Variants in RBM5 observed in about 807,000 individuals in gnomAD.
The protein encoded by RBM5 is RNA binding motif protein 5.
A neutral mutation model predicts 124.6 loss-of-function variants in RBM5; 15 were observed. The ratio of observed to expected loss-of-function variants is 0.12; its 90% CI spans 0.08 to 0.19. The LOEUF (loss-of-function observed/expected upper bound fraction) is 0.19, where lower values mean the gene tolerates loss of function less well. Ranked by LOEUF, RBM5 falls within the 10% of genes least tolerant of loss-of-function variation. The pLI is 1.00. For synonymous variants in RBM5, 337 were observed against 361.2 expected (o/e 0.93, Z 0.76); for missense variants, 580 against 1,026.5 (o/e 0.57, Z 5.94).
chr3:50,100,469 T>G lies in RBM5; in HGVS notation c.410-63T>G. On this transcript the variant is annotated intron_variant, in intron 5 of 24. Coordinates refer to ENST00000347869, the MANE Select transcript of RBM5 (RefSeq NM_005778.4). This position sits in a 1 kb window ranked among gnomAD's most constrained non-coding sequence, Gnocchi z 5.1. The stretch of plus-strand genomic sequence containing the variant: ...AGTGTTGAAGCAGTGGGAGAGAGAT[T>G]CACCTGTTATAAAGGAACTGACTAA... 7.3e-7 allele frequency: 1 copy of G among 1,371,252 alleles called. No homozygotes were observed. The highest frequency in any genetic ancestry group is 1.7e-5 in the Admixed American group (1 of 57,976). The allele number at this position is 1,371,252 out of a possible 1,614,324, so 84.9% of individuals were successfully genotyped here.
chr3:50,093,659 G>A (rs1219962295), intron 3 of RBM5, 61 bp from the exon 4 acceptor site: 2 of 1,515,230 alleles, frequency 1.3e-6, no homozygotes, highest in Non-Finnish European at 1.8e-6. Context: ...TCTAGGAGTG[G>A]AGGGTCTGTT....
At position 50,118,697 on chromosome 3, in the gene RBM5, G is replaced by A. The variant is rs922619735; in HGVS notation, c.*241G>A. 4 of 579,108 alleles carry A rather than the reference G, an allele frequency of 6.9e-6. No homozygotes were observed. The highest frequency in any genetic ancestry group is 1.2e-5 in the Non-Finnish European group (4 of 328,930). 35.9% of individuals were successfully genotyped at this position (579,108 alleles called of 1,614,324 possible). A position where few individuals can be genotyped will look rare whatever the true frequency, so the allele number is the denominator to read the frequency against. Reference sequence around the variant, plus strand: ...AACAGACCGGAGAGGACAGTGGATTGTTTATACTCCAGTGTACATAGTGTA... The same window carrying A: ...AACAGACCGGAGAGGACAGTGGATTATTTATACTCCAGTGTACATAGTGTA... On this transcript the variant is annotated 3_prime_UTR_variant, in exon 25 of 25. Transcript: ENST00000347869.
At chr3:50,115,338 T>A (rs1273388351) in intron 20 of RBM5, 90 bp from the exon 21 acceptor site, 4 of 1,416,960 alleles carry the variant, frequency 2.8e-6, no homozygotes, top group African/African-American at 1.5e-5. Flanking sequence ...TTGTTAACAT[T>A]TCGGATGAGG....
In RBM5 at chr3:50,114,302, C is replaced by T. The variant is rs750864688; in HGVS notation, c.1839+51C>T. The T allele has an allele frequency of 2.6e-5, 40 of 1,529,282 alleles. No individual in the cohort carries two copies. The South Asian group carries it at 4.6e-4, about 17-fold the overall frequency. 94.7% of individuals were successfully genotyped at this position (1,529,282 alleles called of 1,614,324 possible). ...AAGACCCTATCTGTGGTTTGTGTCT[C>T]ACTTTAAGGCTCAACTGCATCTTGG... On this transcript the variant is annotated intron_variant, in intron 20 of 24. Transcript: ENST00000347869.
rs369123531 is a variant in RBM5, at chr3:50,104,192, A to G, written c.568-56A>G. The G allele has an allele frequency of 2.6e-4, 380 of 1,486,694 alleles. 7 individuals are homozygous for G. The South Asian group carries it at 3.3e-3, about 13-fold the overall frequency. The allele number at this position is 1,486,694 out of a possible 1,614,324, so 92.1% of individuals were successfully genotyped here. ...TACCCGTGGCCCCACTGTTATTGTT[A>G]CTAGAAAGCCTGGCCTAATGTGAGA... On this transcript the variant is annotated intron_variant, in intron 7 of 24. Transcript: ENST00000347869.
intron 11 of RBM5, chr3:50,107,135 A>G: frequency 1.5e-6 from 1 of 671,940 alleles, no homozygotes; most frequent in East Asian, 2.9e-5. Flanking sequence ...AAACTGCAGC[A>G]GTATAGTGCT....
Position 50,090,424 on chromosome 3 carries a change from TCA to T in RBM5, c.-10_-9del. On this transcript the variant is annotated 5_prime_UTR_variant, in exon 2 of 25. Coordinates refer to ENST00000347869, the MANE Select transcript of RBM5 (RefSeq NM_005778.4). Reference sequence around the variant, plus strand: ...CCTTTTGGAGCTGTGTGCTAAATCTTCAGTGGGACAATGGGTTCAGACAAAAG... The same window carrying T: ...CCTTTTGGAGCTGTGTGCTAAATCTTGTGGGACAATGGGTTCAGACAAAAG... 1 of 1,614,000 alleles carries T rather than the reference TCA, an allele frequency of 6.2e-7. No homozygotes were observed. The highest frequency in any genetic ancestry group is 8.5e-7 in the Non-Finnish European group (1 of 1,179,952).
Position 50,108,155 on chromosome 3 carries a change from G to GA in RBM5, c.1119+9dup. 6.2e-7 allele frequency: 1 copy of GA among 1,607,386 alleles called. No homozygotes were observed. The highest frequency in any genetic ancestry group is 8.5e-7 in the Non-Finnish European group (1 of 1,173,826). On this transcript the variant is annotated intron_variant, in intron 13 of 24. Coordinates refer to ENST00000347869, the MANE Select transcript of RBM5 (RefSeq NM_005778.4). Reference sequence around the variant, plus strand: ...TATGCCCAATATGCTCAGGTAGGTAGATTTTAGCAGCATCCACCTTATAGT... The same window carrying GA: ...TATGCCCAATATGCTCAGGTAGGTAGAATTTTAGCAGCATCCACCTTATAGT...
At chr3:50,107,086 A>G (rs537130077) in intron 11 of RBM5, 6 of 685,088 alleles carry the variant, frequency 8.8e-6, no homozygotes, top group Admixed American at 4.1e-5. Context: ...ATCAGGAGAA[A>G]GGCAAGTATG....
intron 14 of RBM5, 133 bp downstream of exon 14, chr3:50,108,437 G>A (rs141938556): frequency 0.012 from 10,888 of 880,986 alleles, 102 homozygotes; most frequent in Non-Finnish European, 0.016. Flanking sequence ...GGCCGGGCAC[G>A]GTGGCTCACG....
At chr3:50,103,697 A>G (rs1266560754) in intron 7 of RBM5, among the ~76,000 whole-genome samples, 2 of 152,172 alleles carry the variant, frequency 1.3e-5, no homozygotes, top group Non-Finnish European at 2.9e-5. Flanking sequence ...CCCAGTGATT[A>G]AGATTTTAGG....
chr3:50,111,421 T>C (rs967955579), intron 17 of RBM5, among the ~76,000 whole-genome samples: 2 of 152,158 alleles, frequency 1.3e-5, no homozygotes, highest in Admixed American at 1.3e-4. Context: ...ATTTGCTTTT[T>C]TTATTTTTTT....
chr3:50,111,017 G>C, intron 17 of RBM5: 1 of 492,140 alleles, frequency 2.0e-6, no homozygotes, highest in Non-Finnish European at 3.6e-6. Context: ...TTCTTTGAAT[G>C]TTTATACATG....
intron 10 of RBM5, 132 bp from the exon 11 acceptor site, chr3:50,106,635 A>C (rs2091038240): frequency 2.2e-5 from 14 of 649,250 alleles, no homozygotes; most frequent in South Asian, 2.1e-4. Flanking sequence ...TTGAGGTTTC[A>C]TATCTGCAAA....
In RBM5 at chr3:50,110,737, G is replaced by C; in HGVS notation, c.1422G>C (p.Pro474=). 1 of 1,613,342 alleles carries C rather than the reference G, an allele frequency of 6.2e-7. No homozygotes were observed. The part of the protein sequence containing the change: ...YDESSGYYYD[P]TTGLYYDPNS... Reference sequence around the variant, plus strand: ...AATCTTCAGGATATTACTATGATCCGACAACAGGGCTCTATTATGACCCCA... The same window carrying C: ...AATCTTCAGGATATTACTATGATCCCACAACAGGGCTCTATTATGACCCCA... Residue 474 remains proline, a synonymous_variant, in exon 17 of 25, where the codon CCG becomes CCC. Coordinates refer to ENST00000347869, the MANE Select transcript of RBM5 (RefSeq NM_005778.4).
chr3:50,095,427 A>G (rs566996757), intron 4 of RBM5, among the ~76,000 whole-genome samples: 2 of 152,228 alleles, frequency 1.3e-5, no homozygotes, highest in East Asian at 3.9e-4. Context: ...TGAACTACCC[A>G]TTTGAAACCT....
intron 11 of RBM5, chr3:50,107,233 C>T: frequency 3.3e-6 from 2 of 603,492 alleles, no homozygotes; most frequent in Non-Finnish European, 6.0e-6. Context: ...GGTAAATTTC[C>T]CTTTTTTTAG....
intron 1 of RBM5, among the ~76,000 whole-genome samples, chr3:50,089,327 T>A (rs977157676): frequency 6.6e-6 from 1 of 152,230 alleles, no homozygotes; most frequent in Admixed American, 6.5e-5. Flanking sequence ...CGCCTGTCCC[T>A]CGGGCACTCC....
chr3:50,109,887 A>G (rs1473260538), intron 15 of RBM5, 199 bp downstream of exon 15: 3 of 501,844 alleles, frequency 6.0e-6, no homozygotes, highest in Admixed American at 3.6e-5. Flanking sequence ...TCAACTGTGT[A>G]TTTACACTTT....
Sources: allele counts gnomAD v4.1 joint callset (sites outside exome capture counted in the v4.1 genomes callset), GRCh38; gene constraint gnomAD v4.1.1; non-coding constraint Gnocchi (gnomAD v3.1); transcripts MANE v1.5; gene names NCBI Gene and HGNC (gene_info 2026-07-23, HGNC 2026-07-21).